HMGCLL1: variants seen among roughly 807,000 people sequenced by gnomAD.
HMGCLL1 encodes the protein 3-hydroxymethyl-3-methylglutaryl-CoA lyase, cytoplasmic.
A neutral mutation model predicts 39.1 loss-of-function variants in HMGCLL1; 36 were observed. That is an observed-to-expected ratio of 0.92 (90% confidence interval 0.71 to 1.22). The LOEUF is 1.22. Ranked by LOEUF, HMGCLL1 falls within the 50% of genes most tolerant of loss-of-function variation. The probability of loss-of-function intolerance (pLI) is 0.00; values close to 1 mark genes in which losing one functional copy is unlikely to be tolerated. For missense variants in HMGCLL1, 451 were observed against 416.5 expected, an observed-to-expected ratio of 1.08 and a Z score of -0.72; for synonymous variants, 149 against 144.0, an observed-to-expected ratio of 1.03 and a Z score of -0.25.
the HMGCLL1 span, among the ~76,000 whole-genome samples, chr6:55,647,251 T>A: frequency 5.3e-5 from 8 of 152,112 alleles, 1 homozygote; most frequent in South Asian, 1.7e-3. Context: ...TTGCACAGAA[T>A]GTCTTTTTTT....
intron 3 of HMGCLL1, among the ~76,000 whole-genome samples, chr6:55,536,181 A>C (rs1769010823): frequency 6.6e-6 from 1 of 152,160 alleles, no homozygotes; most frequent in Non-Finnish European, 1.5e-5. Context: ...GTGACTTGAA[A>C]ATAATTATTT....
intron 1 of HMGCLL1, among the ~76,000 whole-genome samples, chr6:55,564,140 C>T (rs113548672): frequency 0.019 from 2,951 of 152,178 alleles, 46 homozygotes; most frequent in South Asian, 0.083. Flanking sequence ...TGAAAATATA[C>T]TGAAGCTCTT....
chr6:55,617,324 A>G, the HMGCLL1 span, among the ~76,000 whole-genome samples: 11 of 152,098 alleles, frequency 7.2e-5, no homozygotes. Context: ...TTGGGAAGAC[A>G]ATATTTATAG....
chr6:55,534,329 C>T (rs1016020753), intron 3 of HMGCLL1, among the ~76,000 whole-genome samples: 2 of 152,108 alleles, frequency 1.3e-5, no homozygotes, highest in Admixed American at 6.5e-5. Flanking sequence ...TTCCAGAATG[C>T]TGTGACCCAA....
At chr6:55,624,243 C>T in the HMGCLL1 span, among the ~76,000 whole-genome samples, 5,251 of 152,212 alleles carry the variant, frequency 0.034, 131 homozygotes, top group Non-Finnish European at 0.051. Context: ...TCCCATTTGA[C>T]CTATTCAGAA....
the HMGCLL1 span, among the ~76,000 whole-genome samples, chr6:55,616,317 A>C: frequency 6.6e-6 from 1 of 152,080 alleles, no homozygotes; most frequent in African/African-American, 2.4e-5. Context: ...CCATCATGTA[A>C]ACAAGTCCAA....
rs149721607 is a variant in HMGCLL1, at chr6:55,435,260, C to T, written c.*402G>A. On this transcript the variant is annotated 3_prime_UTR_variant, in exon 9 of 9. Transcript: ENST00000274901. The stretch of plus-strand genomic sequence containing the variant: ...ATGTATAATATTGAGGCCACACACT[C>T]TGCATACTATGCAGGAGCTCATAAA... 205 of 156,158 alleles carry T rather than the reference C, an allele frequency of 1.3e-3. No individual in the cohort carries two copies. Among genetic ancestry groups the T allele is most frequent in the East Asian group, 6.7e-3 (35 of 5,248 alleles). The allele number at this position is 156,158 out of a possible 1,614,324, so 9.7% of individuals were successfully genotyped here. A position where few individuals can be genotyped will look rare whatever the true frequency, so the allele number is the denominator to read the frequency against.
intron 1 of HMGCLL1, among the ~76,000 whole-genome samples, chr6:55,556,655 A>C (rs1770689625): frequency 6.6e-6 from 1 of 152,168 alleles, no homozygotes; most frequent in South Asian, 2.1e-4. Flanking sequence ...GACTATGCTC[A>C]CTCGGGATTT....
chr6:55,656,130 C>T, the HMGCLL1 span, among the ~76,000 whole-genome samples: 1 of 151,958 alleles, frequency 6.6e-6, no homozygotes, highest in South Asian at 2.1e-4. Context: ...TCATTGGAAT[C>T]TCAACTTTAA....
At chr6:55,556,609 C>G (rs1032300471) in intron 1 of HMGCLL1, among the ~76,000 whole-genome samples, 1 of 151,998 alleles carries the variant, frequency 6.6e-6, no homozygotes, top group Non-Finnish European at 1.5e-5. Context: ...AGAGTGGGCT[C>G]GGGAGCAGGG....
chr6:55,592,658 G>A, the HMGCLL1 span, among the ~76,000 whole-genome samples: 5 of 152,000 alleles, frequency 3.3e-5, no homozygotes, highest in African/African-American at 9.7e-5. Flanking sequence ...ATATCCCCCT[G>A]GAAGGCAAAA....
upstream of HMGCLL1, among the ~76,000 whole-genome samples, chr6:55,583,804 G>A (rs1427590806): frequency 2.0e-5 from 3 of 152,080 alleles, no homozygotes; most frequent in Non-Finnish European, 4.4e-5. Context: ...ATTTAATTTG[G>A]TGGTGCTGAG....
intron 1 of HMGCLL1, among the ~76,000 whole-genome samples, chr6:55,571,714 T>TAGGA (rs1035517778): frequency 4.6e-5 from 7 of 151,786 alleles, no homozygotes; most frequent in Admixed American, 3.9e-4. Context: ...GAGGCTGAGG[T>TAGGA]AGGAGAACTG....
intron 1 of HMGCLL1, among the ~76,000 whole-genome samples, chr6:55,552,868 G>A (rs1042217415): frequency 1.9e-4 from 29 of 151,994 alleles, no homozygotes; most frequent in East Asian, 1.7e-3. Context: ...TATGCCGGGC[G>A]TGGTGGCTCA....
At chr6:55,653,651 C>T in the HMGCLL1 span, among the ~76,000 whole-genome samples, 1 of 151,874 alleles carries the variant, frequency 6.6e-6, no homozygotes, top group Admixed American at 6.6e-5. Context: ...AAGAAGGTAC[C>T]TTGCTTCCCA....
Position 55,559,192 on chromosome 6 carries a change from G to A in HMGCLL1, c.109-17052C>T, listed in dbSNP as rs528465820. Among the ~76,000 whole-genome samples the A allele has an allele frequency of 1.4e-4, 21 of 152,252 alleles. No homozygotes were observed. The South Asian group carries it at 3.7e-3, about 27-fold the overall frequency. ...TTTGTTCCCGCCAAAAAAAGTCCAC[G>A]AAAACGTTTTGCTCCCCTAAGTTTT... On this transcript the variant is annotated intron_variant, in intron 1 of 8. Coordinates refer to ENST00000274901, the MANE Select transcript of HMGCLL1 (RefSeq NM_001042406.2).
At chr6:55,514,979 G>T (rs544264815) in intron 4 of HMGCLL1, among the ~76,000 whole-genome samples, 1 of 152,152 alleles carries the variant, frequency 6.6e-6, no homozygotes, top group East Asian at 1.9e-4. Context: ...GGGAGGTCAG[G>T]TGCGGTGGCT....
chr6:55,676,977 A>T, the HMGCLL1 span, among the ~76,000 whole-genome samples: 1 of 152,226 alleles, frequency 6.6e-6, no homozygotes, highest in East Asian at 1.9e-4. Context: ...ACTAGCACAT[A>T]GTTATAGTTG....
the HMGCLL1 span, among the ~76,000 whole-genome samples, chr6:55,667,049 T>A: frequency 6.6e-6 from 1 of 151,652 alleles, no homozygotes; most frequent in Non-Finnish European, 1.5e-5. Flanking sequence ...TGAAGAGCAT[T>A]GTATCTTGTG....
Sources: allele counts gnomAD v4.1 joint callset (sites outside exome capture counted in the v4.1 genomes callset), GRCh38; gene constraint gnomAD v4.1.1; transcripts MANE v1.5; gene names NCBI Gene and HGNC (gene_info 2026-07-23, HGNC 2026-07-21).